Variants in TMEM94 observed in about 807,000 individuals in gnomAD.
TMEM94 encodes transmembrane protein 94.
A neutral mutation model predicts 158.6 loss-of-function variants in TMEM94; 81 were observed. The ratio of observed to expected loss-of-function variants is 0.51; its 90% CI spans 0.43 to 0.61. The LOEUF is 0.61. Ranked by LOEUF, TMEM94 falls within the 20% of genes least tolerant of loss-of-function variation. The probability of loss-of-function intolerance (pLI) is 0.00; values close to 1 mark genes in which losing one functional copy is unlikely to be tolerated. For synonymous variants in TMEM94, 751 were observed against 730.7 expected (o/e 1.03, Z -0.45); for missense variants, 1,435 against 1,762.0 (o/e 0.81, Z 3.32).
chr17:75,494,020 C>A, intron 18 of TMEM94, 104 bp downstream of exon 18: 1 of 1,108,342 alleles, frequency 9.0e-7, no homozygotes, highest in Non-Finnish European at 1.3e-6. Flanking sequence ...CCCCCCACAG[C>A]AAAGGGGGCA....
chr17:75,491,467 G>C lies in TMEM94; in HGVS notation c.1386+12G>C. The C allele has an allele frequency of 1.2e-6, 2 of 1,613,976 alleles. No homozygotes were observed. Among genetic ancestry groups the C allele is most frequent in the Non-Finnish European group, 1.7e-6 (2 of 1,180,026 alleles). On this transcript the variant is annotated intron_variant, in intron 13 of 31. Transcript: ENST00000314256. The surrounding 1 kb of genome is among the most constrained non-coding windows in gnomAD (Gnocchi z 5.1). ...TCTGCCATCCCGAGGTAGAGGAGGA[G>C]GTACGGCCGGCTCCCATGGGCCCGA...
intron 17 of TMEM94, 35 bp downstream of exon 17, chr17:75,493,628 G>T: frequency 6.2e-7 from 1 of 1,612,114 alleles, no homozygotes; most frequent in Non-Finnish European, 8.5e-7. Flanking sequence ...AGCAAGAGCA[G>T]TCGCGCTGCC....
intron 4 of TMEM94, 42 bp from the exon 5 acceptor site, chr17:75,486,248 C>T: frequency 2.5e-6 from 4 of 1,610,790 alleles, no homozygotes; most frequent in Non-Finnish European, 3.4e-6. Context: ...GGTGGGCGAG[C>T]CCTCACTCCC....
chr17:75,464,348 T>C (rs1598306764), intron 1 of TMEM94, among the ~76,000 whole-genome samples: 1 of 151,848 alleles, frequency 6.6e-6, no homozygotes, highest in African/African-American at 2.4e-5. Flanking sequence ...TCAGGCATAG[T>C]GGCACATACC....
At chr17:75,497,623 G>C (rs2052846492) in intron 26 of TMEM94, among the ~76,000 whole-genome samples, 158 bp from the exon 27 acceptor site, 1 of 152,054 alleles carries the variant, frequency 6.6e-6, no homozygotes, top group Non-Finnish European at 1.5e-5. Flanking sequence ...CAAAGTGCTG[G>C]GATTACAGGT....
chr17:75,482,803 T>G (rs1567933658), intron 2 of TMEM94, among the ~76,000 whole-genome samples: 2 of 152,216 alleles, frequency 1.3e-5, no homozygotes, highest in Non-Finnish European at 2.9e-5. Flanking sequence ...ATTCAGCAAG[T>G]ATTCACTGAG....
In TMEM94 at chr17:75,495,665, A is replaced by C. The variant is rs769482569; in HGVS notation, c.2944+22A>C. 16 of 1,607,412 alleles carry C rather than the reference A, an allele frequency of 1.0e-5. No individual in the cohort carries two copies. The highest frequency in any genetic ancestry group is 1.7e-5 in the Admixed American group (1 of 59,940). On this transcript the variant is annotated intron_variant, in intron 22 of 31. Transcript: ENST00000314256. The surrounding 1 kb of genome is among the most constrained non-coding windows in gnomAD (Gnocchi z 5.6). ...GAGAGTGAGTGCTGTGGCCATGGGT[A>C]CTTGGGCAACCTGGTCCCGTCGGCT... is the stretch of plus-strand genomic sequence containing the variant.
chr17:75,460,172 G>A (rs2050017551), intron 1 of TMEM94, among the ~76,000 whole-genome samples: 1 of 152,174 alleles, frequency 6.6e-6, no homozygotes, highest in Non-Finnish European at 1.5e-5. Context: ...AGCTCCCAAG[G>A]CCAGAAGTGA....
In TMEM94 at chr17:75,499,391, T is replaced by C; in HGVS notation, c.*57T>C. The C allele has an allele frequency of 6.7e-7, 1 of 1,501,170 alleles. No homozygotes were observed. The highest frequency in any genetic ancestry group is 2.3e-5 in the East Asian group (1 of 44,296). 93.0% of individuals were successfully genotyped at this position (1,501,170 alleles called of 1,614,324 possible). A position where few individuals can be genotyped will look rare whatever the true frequency, so the allele number is the denominator to read the frequency against. On this transcript the variant is annotated 3_prime_UTR_variant, in exon 32 of 32. Transcript: ENST00000314256. Reference sequence around the variant, plus strand: ...GTCCCTGGGGCTAAAGCCAGACCCATTTCTGAACAGGGGAGTTTGTATCAT... The same window carrying C: ...GTCCCTGGGGCTAAAGCCAGACCCACTTCTGAACAGGGGAGTTTGTATCAT...
intron 1 of TMEM94, among the ~76,000 whole-genome samples, chr17:75,465,675 A>ATTTTTTTTTTTTTT (rs2050280339): frequency 1.3e-5 from 1 of 77,118 alleles, no homozygotes; most frequent in African/African-American, 4.9e-5. Context: ...ATATATATAT[A>ATTTTTTTTTTTTTT]TATATTTTTT....
At chr17:75,494,074 C>T (rs373794376) in intron 18 of TMEM94, among the ~76,000 whole-genome samples, 158 bp downstream of exon 18, 16 of 152,222 alleles carry the variant, frequency 1.1e-4, no homozygotes, top group South Asian at 2.1e-4. Context: ...GCACTCTATC[C>T]GGGGACATGG....
At chr17:75,483,714 C>G (rs2051356026) in intron 2 of TMEM94, among the ~76,000 whole-genome samples, 1 of 152,142 alleles carries the variant, frequency 6.6e-6, no homozygotes, top group Non-Finnish European at 1.5e-5. Flanking sequence ...GTGCACCCAT[C>G]TCAGCTTCCC....
intron 1 of TMEM94, among the ~76,000 whole-genome samples, chr17:75,469,160 G>A (rs1567911168): frequency 6.6e-6 from 1 of 152,102 alleles, no homozygotes; most frequent in South Asian, 2.1e-4. Context: ...ACTCAACCAC[G>A]TGAGGGGCTG....
At position 75,483,395 on chromosome 17, in the gene TMEM94, C is replaced by T. The variant is rs114824468; in HGVS notation, c.25-2033C>T. The stretch of plus-strand genomic sequence containing the variant: ...ATGTTCTAGAGGTGATTGGGTGAGA[C>T]AGTCACTGTGAGAGGAAAGGTGACT... On this transcript the variant is annotated intron_variant, in intron 2 of 31. Transcript: ENST00000314256. Among the ~76,000 whole-genome samples, 252 of 151,672 alleles carry T rather than the reference C, an allele frequency of 1.7e-3. 2 individuals are homozygous for T. The highest frequency in any genetic ancestry group is 5.7e-3 in the African/African-American group (235 of 41,348).
chr17:75,488,652 C>T, intron 6 of TMEM94, 107 bp from the exon 7 acceptor site: 2 of 1,359,736 alleles, frequency 1.5e-6, no homozygotes, highest in Non-Finnish European at 2.1e-6. Context: ...TCTGGGCTAA[C>T]TGATGGCTCC....
At position 75,492,439 on chromosome 17, in the gene TMEM94, T is replaced by A; in HGVS notation, c.1597-35T>A. 1 of 1,552,028 alleles carries A rather than the reference T, an allele frequency of 6.4e-7. No individual in the cohort carries two copies. The highest frequency in any genetic ancestry group is 1.2e-5 in the South Asian group (1 of 80,766). On this transcript the variant is annotated intron_variant, in intron 14 of 31. Transcript: ENST00000314256. This position sits in a 1 kb window ranked among gnomAD's most constrained non-coding sequence, Gnocchi z 4.4. ...CCAGTGCTGGCTTCCCCACACCCTA[T>A]CCCGGGCTGAGGCTCTCCTCCACAT...
chr17:75,485,263 A>G lies in TMEM94; in HGVS notation c.25-165A>G, dbSNP rs942468431. ...TTGAACAGTTTGTAATTTGGTGGAG[A>G]TGGACATGGTCACACCTTGAGAGGC... On this transcript the variant is annotated intron_variant, in intron 2 of 31. Coordinates refer to ENST00000314256, the MANE Select transcript of TMEM94 (RefSeq NM_014738.6). This position sits in a 1 kb window ranked among gnomAD's most constrained non-coding sequence, Gnocchi z 5.5. 9 of 666,354 alleles carry G rather than the reference A, an allele frequency of 1.4e-5. No homozygotes were observed. Among genetic ancestry groups the G allele is most frequent in the South Asian group, 2.1e-5 (1 of 48,628 alleles). 41.3% of individuals were successfully genotyped at this position (666,354 alleles called of 1,614,324 possible). A position where few individuals can be genotyped will look rare whatever the true frequency, so the allele number is the denominator to read the frequency against.
intron 18 of TMEM94, 23 bp downstream of exon 18, chr17:75,493,939 G>A (rs748597725): frequency 5.6e-6 from 9 of 1,594,770 alleles, no homozygotes; most frequent in African/African-American, 2.7e-5. Flanking sequence ...TCTGTCCAGC[G>A]GGGCTGGTGC....
chr17:75,464,846 C>G (rs2050248206), intron 1 of TMEM94, among the ~76,000 whole-genome samples: 1 of 151,722 alleles, frequency 6.6e-6, no homozygotes, highest in Non-Finnish European at 1.5e-5. Flanking sequence ...GTAGCTGGGA[C>G]TACAGGTGCA....
Sources: allele counts gnomAD v4.1 joint callset (sites outside exome capture counted in the v4.1 genomes callset), GRCh38; gene constraint gnomAD v4.1.1; non-coding constraint Gnocchi (gnomAD v3.1); transcripts MANE v1.5; gene names NCBI Gene and HGNC (gene_info 2026-07-23, HGNC 2026-07-21).